MSRA: variants seen among roughly 807,000 people sequenced by gnomAD.
MSRA encodes methionine sulfoxide reductase A.
In MSRA, 54 loss-of-function variants were observed where a neutral mutation model predicts 31.3. That is an observed-to-expected ratio of 1.73 (90% CI 1.39 to 2.17). The LOEUF (loss-of-function observed/expected upper bound fraction) is 2.17. MSRA is among the 30% of genes most tolerant of loss of function. The probability of loss-of-function intolerance (pLI) is 0.00; values close to 1 mark genes in which losing one functional copy is unlikely to be tolerated. For missense variants in MSRA, 507 were observed against 300.9 expected (o/e 1.69, Z -5.07); for synonymous variants, 169 against 116.5 (o/e 1.45, Z -2.90).
chr8:10,066,392 A>G (rs728877), intron 1 of MSRA, among the ~76,000 whole-genome samples: 33,834 of 152,234 alleles, frequency 0.22, 4,041 homozygotes, highest in Admixed American at 0.3. Context: ...AGCATTCTCC[A>G]AAACCTTTCT....
intron 5 of MSRA, among the ~76,000 whole-genome samples, chr8:10,383,135 A>G (rs894184909): frequency 2.0e-5 from 3 of 152,254 alleles, no homozygotes; most frequent in African/African-American, 7.2e-5. Context: ...TGGCAGAGTC[A>G]GGACTGTCCC....
chr8:10,089,588 TG>T (rs1344906074), intron 1 of MSRA, among the ~76,000 whole-genome samples: 4 of 152,246 alleles, frequency 2.6e-5, no homozygotes, highest in African/African-American at 9.6e-5. Flanking sequence ...TAGGTCATTT[TG>T]TGTTGCTATA....
chr8:10,400,569 G>T lies in MSRA; in HGVS notation c.544-27579G>T, dbSNP rs374778516. ...GATGGTGCACCTGCTTTCTGGGGCT[G>T]CTGCCTTGAGGCTGTAACAAGCTGA... On this transcript the variant is annotated intron_variant, in intron 5 of 5. Transcript: ENST00000317173. 5.3e-5 allele frequency among the ~76,000 whole-genome samples: 8 copies of T among 152,320 alleles called. No homozygotes were observed. The East Asian group carries it at 9.7e-4, about 18-fold the overall frequency.
intron 1 of MSRA, among the ~76,000 whole-genome samples, chr8:10,149,269 C>T (rs1046673394): frequency 6.6e-6 from 1 of 152,074 alleles, no homozygotes; most frequent in Non-Finnish European, 1.5e-5. Context: ...TTACAGGTGC[C>T]CACCACCATG....
chr8:10,323,614 A>C (rs1802182075), intron 5 of MSRA, among the ~76,000 whole-genome samples: 1 of 152,190 alleles, frequency 6.6e-6, no homozygotes, highest in South Asian at 2.1e-4. Context: ...GGTATTATAT[A>C]ATTAATTAAT....
intron 5 of MSRA, among the ~76,000 whole-genome samples, chr8:10,339,531 C>CTTTTTT (rs774034241): frequency 1.2e-4 from 9 of 72,810 alleles, no homozygotes; most frequent in Admixed American, 1.7e-4. Context: ...TTCTTTCTTT[C>CTTTTTT]TTTTTTTTTT....
At chr8:10,113,309 TTTTTTG>T (rs1039830415) in intron 1 of MSRA, among the ~76,000 whole-genome samples, 4 of 119,358 alleles carry the variant, frequency 3.4e-5, no homozygotes, top group African/African-American at 1.8e-4. Context: ...TTTTTTTTTT[TTTTTTG>T]GAGGTGTGTG....
chr8:10,235,479 G>A (rs897430457), intron 2 of MSRA, among the ~76,000 whole-genome samples: 2 of 152,068 alleles, frequency 1.3e-5, no homozygotes, highest in Non-Finnish European at 2.9e-5. Flanking sequence ...TATCAAGAAG[G>A]TAGGAAATGA....
intron 2 of MSRA, among the ~76,000 whole-genome samples, chr8:10,234,706 A>G (rs1321068687): frequency 6.6e-6 from 1 of 152,084 alleles, no homozygotes; most frequent in Non-Finnish European, 1.5e-5. Flanking sequence ...TGCACCTAAA[A>G]TAAAGACACA....
chr8:10,234,380 T>G (rs536986319), intron 2 of MSRA, among the ~76,000 whole-genome samples: 2 of 152,284 alleles, frequency 1.3e-5, no homozygotes, highest in South Asian at 4.1e-4. Flanking sequence ...TTAGAAATAC[T>G]AACTTTAGAC....
intron 5 of MSRA, among the ~76,000 whole-genome samples, chr8:10,355,894 C>T (rs958288561): frequency 1.3e-5 from 2 of 152,052 alleles, no homozygotes; most frequent in Non-Finnish European, 1.5e-5. Context: ...CCATAGGCAC[C>T]GGGCTCCTGG....
intron 2 of MSRA, among the ~76,000 whole-genome samples, chr8:10,238,302 C>T (rs1412304402): frequency 6.6e-6 from 1 of 152,154 alleles, no homozygotes. Flanking sequence ...TTGTGCTTTC[C>T]CAGCCCACCT....
At chr8:10,360,871 T>C (rs1308584373) in intron 5 of MSRA, among the ~76,000 whole-genome samples, 2 of 152,196 alleles carry the variant, frequency 1.3e-5, no homozygotes, top group African/African-American at 4.8e-5. Context: ...TTGGAGTTCA[T>C]GCCTGCCACT....
intron 1 of MSRA, among the ~76,000 whole-genome samples, chr8:10,190,393 C>T (rs964106114): frequency 4.6e-5 from 7 of 152,196 alleles, no homozygotes; most frequent in Non-Finnish European, 4.4e-5. Context: ...ATTCCAAGGC[C>T]TCCTGCCCCC....
At chr8:10,117,242 A>G (rs1800750860) in intron 1 of MSRA, among the ~76,000 whole-genome samples, 1 of 152,216 alleles carries the variant, frequency 6.6e-6, no homozygotes, top group Admixed American at 6.5e-5. Context: ...AAGAGAAGTC[A>G]CAAAGGATGG....
chr8:10,217,169 TCA>T (rs746602028), intron 2 of MSRA, among the ~76,000 whole-genome samples: 5 of 152,226 alleles, frequency 3.3e-5, no homozygotes, highest in Non-Finnish European at 7.3e-5. Flanking sequence ...TTTGGGGGAA[TCA>T]CACATATTTT....
chr8:10,343,793 C>T (rs1362302492), intron 5 of MSRA, among the ~76,000 whole-genome samples: 1 of 152,146 alleles, frequency 6.6e-6, no homozygotes, highest in Non-Finnish European at 1.5e-5. Flanking sequence ...CAAAAAATAA[C>T]AAAGGACAGA....
intron 5 of MSRA, among the ~76,000 whole-genome samples, chr8:10,377,242 A>T (rs1168124881): frequency 6.6e-6 from 1 of 152,284 alleles, no homozygotes; most frequent in Non-Finnish European, 1.5e-5. Context: ...GCTTAACGTT[A>T]ATTACATTTG....
rs559222193 is a variant in MSRA at position 10,404,391 on chromosome 8, C to T, written c.544-23757C>T. 2.6e-5 allele frequency among the ~76,000 whole-genome samples: 4 copies of T among 152,358 alleles called. No homozygotes were observed. The South Asian group carries it at 6.2e-4, about 24-fold the overall frequency. On this transcript the variant is annotated intron_variant, in intron 5 of 5. Coordinates refer to ENST00000317173, the MANE Select transcript of MSRA (RefSeq NM_012331.5). ...TGCTGCCAGGGAGGCAGGGAAGTGA[C>T]GATCCCGTCACCACCCCCCAACCCT...
Sources: allele counts gnomAD v4.1 joint callset (sites outside exome capture counted in the v4.1 genomes callset), GRCh38; gene constraint gnomAD v4.1.1; transcripts MANE v1.5; gene names NCBI Gene and HGNC (gene_info 2026-07-23, HGNC 2026-07-21).